The following ZBTB2 variants were observed in gnomAD, a reference collection of about 807,000 sequenced individuals.
ZBTB2 encodes zinc finger and BTB domain containing 2.
ZBTB2 carries 2 observed loss-of-function variants against 39.5 expected under a neutral mutation model. That is an observed-to-expected ratio of 0.05 (90% CI 0.02 to 0.16). The LOEUF is 0.16. Ranked by LOEUF, ZBTB2 falls within the 10% of genes least tolerant of loss-of-function variation. The pLI, the probability that ZBTB2 is intolerant of heterozygous loss-of-function variation, is 1.00. For synonymous variants in ZBTB2, 251 were observed against 256.6 expected, an observed-to-expected ratio of 0.98 and a Z score of 0.21; for missense variants, 391 against 653.0, an observed-to-expected ratio of 0.60 and a Z score of 4.37.
At chr6:151,388,232 T>C (rs1779204944) in intron 1 of ZBTB2, among the ~76,000 whole-genome samples, 1 of 152,202 alleles carries the variant, frequency 6.6e-6, no homozygotes, top group South Asian at 2.1e-4. Flanking sequence ...AACCAGTTCT[T>C]TCAATCTTCC....
chr6:151,381,234 C>G (rs569601952), intron 1 of ZBTB2, among the ~76,000 whole-genome samples: 2 of 152,176 alleles, frequency 1.3e-5, no homozygotes, highest in African/African-American at 4.8e-5. Context: ...TAAAATCCTC[C>G]TGTGGGCCGG....
chr6:151,384,717 C>A (rs1442054295), intron 1 of ZBTB2, among the ~76,000 whole-genome samples: 1 of 152,136 alleles, frequency 6.6e-6, no homozygotes, highest in East Asian at 1.9e-4. Flanking sequence ...TTTGAGATAA[C>A]CAAGTGGAGA....
intron 1 of ZBTB2, among the ~76,000 whole-genome samples, chr6:151,374,243 C>T (rs1409724279): frequency 1.3e-5 from 2 of 152,096 alleles, no homozygotes; most frequent in East Asian, 3.9e-4. Context: ...ATGTAACAGC[C>T]CCATCACCCC....
intron 2 of ZBTB2, among the ~76,000 whole-genome samples, chr6:151,372,342 G>T (rs751741136): frequency 6.6e-6 from 1 of 152,114 alleles, no homozygotes; most frequent in Non-Finnish European, 1.5e-5. Flanking sequence ...ACCACAGCGC[G>T]CACTGATAGG....
rs903080358 is a variant in ZBTB2 at position 151,364,983 on chromosome 6, C to T, written c.*538G>A. 6.5e-6 allele frequency: 1 copy of T among 152,852 alleles called. No homozygotes were observed. Among genetic ancestry groups the T allele is most frequent in the Non-Finnish European group, 1.5e-5 (1 of 68,230 alleles). The allele number at this position is 152,852 out of a possible 1,614,324, so 9.5% of individuals were successfully genotyped here. A position where few individuals can be genotyped will look rare whatever the true frequency, so the allele number is the denominator to read the frequency against. ...GTAGATTTCTTAACTGATGATTTCT[C>T]TTAAGTGGACATAATCTCAAAGGAT... is the stretch of plus-strand genomic sequence containing the variant. On this transcript the variant is annotated 3_prime_UTR_variant, in exon 3 of 3. Transcript: ENST00000325144.
chr6:151,374,931 A>T (rs35827760), intron 1 of ZBTB2, among the ~76,000 whole-genome samples: 1 of 81,018 alleles, frequency 1.2e-5, no homozygotes, highest in African/African-American at 5.6e-5. Context: ...CGTCTCTACT[A>T]AAAAAAAAAA....
chr6:151,378,018 A>G (rs1562768478), intron 1 of ZBTB2: 1 of 152,162 alleles, frequency 6.6e-6, no homozygotes, highest in Non-Finnish European at 1.5e-5. Context: ...AGTCAAGTGC[A>G]GTAGTAAGGG....
At position 151,385,840 on chromosome 6, in the gene ZBTB2, A is replaced by G. The variant is rs537688056; in HGVS notation, c.-13+5580T>C. 1.6e-4 allele frequency among the ~76,000 whole-genome samples: 24 copies of G among 152,298 alleles called. 2 individuals carry two copies. In the East Asian group the frequency reaches 2.1e-3, roughly 13 times the overall value. ...GTAAACCTGAAGGCTGGTCATTTGA[A>G]TTTTAATACATTTTAAAACTGTATT... is the stretch of plus-strand genomic sequence containing the variant. On this transcript the variant is annotated intron_variant, in intron 1 of 2. Transcript: ENST00000325144.
chr6:151,380,732 A>G (rs758943870), intron 1 of ZBTB2, among the ~76,000 whole-genome samples: 60 of 152,116 alleles, frequency 3.9e-4, no homozygotes, highest in Non-Finnish European at 7.5e-4. Context: ...GACTCACCAC[A>G]GGCTGTTCTA....
chr6:151,390,575 G>A (rs1779270454), intron 1 of ZBTB2, among the ~76,000 whole-genome samples: 4 of 150,606 alleles, frequency 2.7e-5, no homozygotes, highest in Non-Finnish European at 5.9e-5. Context: ...AGAGGGAGAG[G>A]GATGAGCGCG....
chr6:151,382,250 A>G lies in ZBTB2; in HGVS notation c.-12-8601T>C, dbSNP rs115440598. Among the ~76,000 whole-genome samples the G allele has an allele frequency of 9.6e-3, 1,460 of 152,210 alleles. 22 individuals carry two copies. The highest frequency in any genetic ancestry group is 0.033 in the African/African-American group (1,387 of 41,530). The stretch of plus-strand genomic sequence containing the variant: ...TGGGTACATGACTATGTATGAAAAA[A>G]TACTTTTCTTTTTCCTTTTTTTTAG... On this transcript the variant is annotated intron_variant, in intron 1 of 2. Coordinates refer to ENST00000325144, the MANE Select transcript of ZBTB2 (RefSeq NM_020861.3).
At chr6:151,367,303 T>TA (rs1778672504) in intron 2 of ZBTB2, among the ~76,000 whole-genome samples, 1 of 152,158 alleles carries the variant, frequency 6.6e-6, no homozygotes, top group Non-Finnish European at 1.5e-5. Flanking sequence ...GTATTTTTAA[T>TA]AGAGACGGGG....
At chr6:151,388,511 C>T (rs1309998020) in intron 1 of ZBTB2, among the ~76,000 whole-genome samples, 1 of 152,166 alleles carries the variant, frequency 6.6e-6, no homozygotes, top group African/African-American at 2.4e-5. Context: ...CAAAGTATAT[C>T]TATGGGGTTG....
intron 1 of ZBTB2, among the ~76,000 whole-genome samples, chr6:151,379,453 C>T (rs966229731): frequency 2.6e-5 from 4 of 151,756 alleles, no homozygotes; most frequent in African/African-American, 4.8e-5. Context: ...CCAGCCTGGG[C>T]AACATGGAGA....
chr6:151,386,240 G>A (rs559989843), intron 1 of ZBTB2, among the ~76,000 whole-genome samples: 21 of 152,182 alleles, frequency 1.4e-4, no homozygotes, highest in African/African-American at 4.6e-4. Context: ...GATTACACAC[G>A]GCAAAATTAA....
intron 1 of ZBTB2, among the ~76,000 whole-genome samples, chr6:151,391,163 A>C (rs1293918649): frequency 6.7e-6 from 1 of 149,630 alleles, no homozygotes; most frequent in Non-Finnish European, 1.5e-5. Flanking sequence ...CCCCGGCGCC[A>C]GGCGCAGCCG....
intron 2 of ZBTB2, among the ~76,000 whole-genome samples, chr6:151,368,170 G>A (rs1306695013): frequency 2.6e-5 from 4 of 151,610 alleles, no homozygotes; most frequent in African/African-American, 4.8e-5. Flanking sequence ...TTTTTGAGAC[G>A]GAGTCTTGCT....
chr6:151,390,364 C>T (rs1335216378), intron 1 of ZBTB2, among the ~76,000 whole-genome samples: 8 of 149,706 alleles, frequency 5.3e-5, no homozygotes, highest in Non-Finnish European at 1.0e-4. Flanking sequence ...CTGTCCCCGT[C>T]CCCGAGGGGC....
chr6:151,384,749 A>G (rs1357350517), intron 1 of ZBTB2, among the ~76,000 whole-genome samples: 1 of 152,210 alleles, frequency 6.6e-6, no homozygotes, highest in Non-Finnish European at 1.5e-5. Context: ...TGTTGGTTAC[A>G]CTGGTCTGGA....
Sources: allele counts gnomAD v4.1 joint callset (sites outside exome capture counted in the v4.1 genomes callset), GRCh38; gene constraint gnomAD v4.1.1; transcripts MANE v1.5; gene names NCBI Gene and HGNC (gene_info 2026-07-23, HGNC 2026-07-21).